DNAH14: variants seen among roughly 807,000 people sequenced by gnomAD.
DNAH14 encodes dynein axonemal heavy chain 14, also known as axonemal beta dynein heavy chain 14.
DNAH14 carries 478 observed loss-of-function variants against 520.9 expected under a neutral mutation model. The observed-to-expected ratio is 0.92, with a 90% CI of 0.85 to 0.99. DNAH14 has a LOEUF of 0.99. Among genes scored for constraint, DNAH14 ranks in the 50% least tolerant of loss-of-function variants. The probability of loss-of-function intolerance (pLI) is 0.00; values close to 1 mark genes in which losing one functional copy is unlikely to be tolerated. For synonymous variants in DNAH14, 1,581 were observed against 1,757.2 expected, an observed-to-expected ratio of 0.90 and a Z score of 2.51; for missense variants, 4,831 against 5,234.5, an observed-to-expected ratio of 0.92 and a Z score of 2.38.
In DNAH14 at chr1:225,381,475, T is replaced by G. The variant is rs1473942296; in HGVS notation, c.12973T>G (p.Leu4325Val). 6.5e-7 allele frequency: 1 copy of G among 1,549,770 alleles called. No homozygotes were observed. The highest frequency in any genetic ancestry group is 2.4e-5 in the East Asian group (1 of 40,882). Residue 4325 changes from leucine (L) to valine (V), a missense_variant, in exon 81 of 86, where the codon TTA becomes GTA. Leu to Val is a conservative substitution (Grantham distance 32). Coordinates refer to ENST00000682510, the MANE Select transcript of DNAH14 (RefSeq NM_001367479.1). ...GTTATTATTTGTCATACATAAATCC[T>G]TAAAAGATCTTCAGCTTGCTATAAA... ...DKLLFVIHKS[L>V]KDLQLAIKGE... is the part of the protein sequence containing the mutation.
intron 17 of DNAH14, among the ~76,000 whole-genome samples, chr1:225,072,132 T>C (rs954314384): frequency 6.6e-6 from 1 of 152,254 alleles, no homozygotes; most frequent in Non-Finnish European, 1.5e-5. Flanking sequence ...TTCTGAGATA[T>C]GTTTTTCAAG....
intron 3 of DNAH14, among the ~76,000 whole-genome samples, chr1:224,957,835 G>A (rs1253479948): frequency 1.3e-5 from 2 of 152,120 alleles, no homozygotes; most frequent in Non-Finnish European, 2.9e-5. Flanking sequence ...TAGAGTTAGT[G>A]ACTATATGCA....
intron 43 of DNAH14, among the ~76,000 whole-genome samples, chr1:225,243,989 A>G (rs904448558): frequency 6.6e-6 from 1 of 152,110 alleles, no homozygotes; most frequent in African/African-American, 2.4e-5. Context: ...GGTTTGTCAT[A>G]AATAGCTCTT....
rs1479745847 is a variant in DNAH14, at chr1:225,140,870, G to A, written c.4357G>A (p.Glu1453Lys). ...VHAGLMCHLE[E>K]VADLVVLDTS... ...CGCTGGTCTGATGTGTCATCTAGAAGAGGTTGCAGACCTGGTAGTGCTGGA... is the reference window on the plus strand; with the variant it reads ...CGCTGGTCTGATGTGTCATCTAGAAAAGGTTGCAGACCTGGTAGTGCTGGA... The change falls in exon 28 of 86, where the codon GAG becomes AAG. Residue 1453 changes from glutamate to lysine, a missense_variant. Physicochemically the swap from Glu to Lys is moderately conservative, Grantham distance 56 (BLOSUM62 1). Transcript: ENST00000682510. 4 of 1,551,182 alleles carry A rather than the reference G, an allele frequency of 2.6e-6. No homozygotes were observed. The Admixed American group carries it at 5.9e-5, about 23-fold the overall frequency.
At chr1:225,092,253 A>G (rs1331351837) in intron 21 of DNAH14, among the ~76,000 whole-genome samples, 1 of 152,046 alleles carries the variant, frequency 6.6e-6, no homozygotes, top group East Asian at 1.9e-4. Flanking sequence ...TCACCCCAAA[A>G]CAACAGAATC....
rs1030199944 is a variant in DNAH14, at chr1:224,960,265, T to C, written c.330T>C (p.Asn110=). Residue 110 remains asparagine (N), a synonymous_variant, in exon 4 of 86, where the codon AAT becomes AAC. Coordinates refer to ENST00000682510, the MANE Select transcript of DNAH14 (RefSeq NM_001367479.1). ...RKKDQTHACP[N]VRKARPVSYD... is the part of the protein sequence containing the mutation. ...AGGATCAAACTCATGCTTGTCCAAA[T>C]GTTAGGAAAGCCAGGCCTGTGTCCT... 1.2e-6 allele frequency: 2 copies of C among 1,610,854 alleles called. No individual in the cohort carries two copies. The highest frequency in any genetic ancestry group is 1.7e-6 in the Non-Finnish European group (2 of 1,178,546).
chr1:225,066,484 T>A (rs966007171), intron 17 of DNAH14, among the ~76,000 whole-genome samples: 6 of 152,160 alleles, frequency 3.9e-5, no homozygotes, highest in Non-Finnish European at 1.5e-5. Flanking sequence ...TTTTAAATTT[T>A]TAATTTATTT....
intron 10 of DNAH14, among the ~76,000 whole-genome samples, chr1:225,012,882 T>C (rs1242328966): frequency 6.6e-6 from 1 of 152,210 alleles, no homozygotes; most frequent in Non-Finnish European, 1.5e-5. Context: ...TCAAGGTTCT[T>C]ACCTTCCTTG....
chr1:225,368,441 G>A (rs1251481720), intron 77 of DNAH14, among the ~76,000 whole-genome samples: 1 of 152,172 alleles, frequency 6.6e-6, no homozygotes, highest in Non-Finnish European at 1.5e-5. Context: ...TTGTTTGTTG[G>A]TACGACTTAT....
intron 18 of DNAH14, 105 bp from the exon 19 acceptor site, chr1:225,080,274 T>C (rs1572923156): frequency 8.8e-7 from 1 of 1,137,196 alleles, no homozygotes; most frequent in East Asian, 2.6e-5. Flanking sequence ...CACTCACTTA[T>C]CAGGTAAAAG....
intron 62 of DNAH14, among the ~76,000 whole-genome samples, chr1:225,323,551 C>A (rs1642389218): frequency 6.6e-6 from 1 of 152,042 alleles, no homozygotes; most frequent in South Asian, 2.1e-4. Flanking sequence ...GCAACCTCCA[C>A]CTCCTGGGTT....
rs1025916390 is a variant in DNAH14, at chr1:225,105,123, C to A, written c.3867+4239C>A. ...TTGGTTTCAAAGAACATCTTTATTT[C>A]TACCTTCATTTCCTTATGTATCCAG... is the stretch of plus-strand genomic sequence containing the variant. On this transcript the variant is annotated intron_variant, in intron 23 of 85. Coordinates refer to ENST00000682510, the MANE Select transcript of DNAH14 (RefSeq NM_001367479.1). 3.3e-5 allele frequency among the ~76,000 whole-genome samples: 5 copies of A among 152,330 alleles called. 1 individual carries two copies. Among genetic ancestry groups the A allele is most frequent in the Non-Finnish European group, 5.9e-5 (4 of 68,032 alleles).
At chr1:225,381,284 C>T in intron 80 of DNAH14, 99 bp from the exon 81 acceptor site, 2 of 1,207,476 alleles carry the variant, frequency 1.7e-6, no homozygotes, top group Admixed American at 2.8e-5. Flanking sequence ...CTGGTCAAGA[C>T]ACACAAAATT....
At chr1:225,122,544 T>C (rs531795292) in intron 26 of DNAH14, among the ~76,000 whole-genome samples, 25 of 152,260 alleles carry the variant, frequency 1.6e-4, no homozygotes, top group Middle Eastern at 6.8e-3. Context: ...AAAAGAGAAA[T>C]GTAACTATAT....
chr1:225,246,968 A>T (rs901840509), intron 43 of DNAH14, among the ~76,000 whole-genome samples: 1 of 152,238 alleles, frequency 6.6e-6, no homozygotes, highest in Non-Finnish European at 1.5e-5. Flanking sequence ...AAAGACTTGG[A>T]ATGAACCCAA....
At chr1:225,133,608 A>G (rs757340429) in intron 27 of DNAH14, among the ~76,000 whole-genome samples, 1 of 152,206 alleles carries the variant, frequency 6.6e-6, no homozygotes, top group Non-Finnish European at 1.5e-5. Flanking sequence ...TACCAGCACC[A>G]TGCTGTTTTG....
chr1:225,365,077 T>C (rs952144862), intron 76 of DNAH14, among the ~76,000 whole-genome samples, 183 bp downstream of exon 76: 4 of 152,242 alleles, frequency 2.6e-5, no homozygotes, highest in African/African-American at 9.6e-5. Context: ...AGTAGATTCC[T>C]ACTTACAAGG....
intron 7 of DNAH14, among the ~76,000 whole-genome samples, chr1:224,970,296 C>T (rs1050265202): frequency 1.3e-5 from 2 of 152,060 alleles, no homozygotes; most frequent in African/African-American, 4.8e-5. Flanking sequence ...TTGGTGAGAC[C>T]GGTTGTCTGC....
At chr1:225,095,814 G>A (rs1447810412) in intron 21 of DNAH14, among the ~76,000 whole-genome samples, 1 of 152,138 alleles carries the variant, frequency 6.6e-6, no homozygotes, top group Non-Finnish European at 1.5e-5. Context: ...GTAGATCAGT[G>A]GTTGCCTGGT....
Sources: allele counts gnomAD v4.1 joint callset (sites outside exome capture counted in the v4.1 genomes callset), GRCh38; gene constraint gnomAD v4.1.1; transcripts MANE v1.5; gene names NCBI Gene and HGNC (gene_info 2026-07-23, HGNC 2026-07-21).